Variants in LRRC9 observed in about 807,000 individuals in gnomAD.
LRRC9 encodes leucine-rich repeat-containing protein 9.
A neutral mutation model predicts 63.2 loss-of-function variants in LRRC9; 122 were observed. The observed-to-expected ratio is 1.93, with a 90% CI of 1.67 to 2.24. LRRC9 has a LOEUF of 2.24. Among genes scored for constraint, LRRC9 ranks in the 30% most tolerant of loss-of-function variants. The pLI, the probability that LRRC9 is intolerant of heterozygous loss-of-function variation, is 0.00. For missense variants in LRRC9, 1,071 were observed against 627.7 expected (o/e 1.71, Z -7.55); for synonymous variants, 366 against 213.1 (o/e 1.72, Z -6.25).
intron 7 of LRRC9, among the ~76,000 whole-genome samples, chr14:59,941,262 G>T (rs1375074668): frequency 6.6e-6 from 1 of 151,930 alleles, no homozygotes; most frequent in African/African-American, 2.4e-5. Flanking sequence ...TTTTGTGGAA[G>T]ATGGGGCAAC....
intron 16 of LRRC9, among the ~76,000 whole-genome samples, chr14:59,983,563 C>T (rs563852436): frequency 6.6e-6 from 1 of 152,130 alleles, no homozygotes; most frequent in Non-Finnish European, 1.5e-5. Flanking sequence ...TAGTTGTTTA[C>T]ATCTTCCAGA....
rs1391215009 is a variant in LRRC9 at position 60,022,886 on chromosome 14, G to A, written c.3703+16G>A. 2 of 612,262 alleles carry A rather than the reference G, an allele frequency of 3.3e-6. No homozygotes were observed. The highest frequency in any genetic ancestry group is 5.9e-6 in the Non-Finnish European group (2 of 339,670). 37.9% of individuals were successfully genotyped at this position (612,262 alleles called of 1,614,324 possible). A position where few individuals can be genotyped will look rare whatever the true frequency, so the allele number is the denominator to read the frequency against. ...TTTCTACAGGGTGAGTAGAAACACT[G>A]TTACTGTATAAGTCTTTATTTTTAA... On this transcript the variant is annotated intron_variant, in intron 27 of 31. Transcript: ENST00000445360.
intron 23 of LRRC9, among the ~76,000 whole-genome samples, chr14:60,009,988 A>T (rs1890130242): frequency 6.6e-6 from 1 of 152,172 alleles, no homozygotes; most frequent in African/African-American, 2.4e-5. Flanking sequence ...GCTTTGCTGG[A>T]TACAGCCTCC....
At position 59,960,962 on chromosome 14, in the gene LRRC9, T is replaced by C. The variant is rs1160950758; in HGVS notation, c.1128T>C (p.His376=). 4.2e-5 allele frequency: 29 copies of C among 694,964 alleles called. No individual in the cohort carries two copies. The East Asian group carries it at 7.3e-4, about 17-fold the overall frequency. The allele number at this position is 694,964 out of a possible 1,614,324, so 43.0% of individuals were successfully genotyped here. ...AAGTAAAACAAAAGAAGAAAAGTCATGGCTTATTGATCCCACTTTTGTTAA... is the reference window on the plus strand; with the variant it reads ...AAGTAAAACAAAAGAAGAAAAGTCACGGCTTATTGATCCCACTTTTGTTAA... Residue 376 remains histidine (H), a synonymous_variant, in exon 10 of 32, where the codon CAT becomes CAC. Coordinates refer to ENST00000445360, the Ensembl canonical transcript of LRRC9.
rs1226144865 is a variant in LRRC9 at position 59,936,991 on chromosome 14, T to A, written c.544-1399T>A. Among the ~76,000 whole-genome samples, 1 of 152,094 alleles carries A rather than the reference T, an allele frequency of 6.6e-6. No individual in the cohort carries two copies. Among genetic ancestry groups the A allele is most frequent in the Non-Finnish European group, 1.5e-5 (1 of 67,988 alleles). On this transcript the variant is annotated intron_variant, in intron 6 of 31. Coordinates refer to ENST00000445360, the Ensembl canonical transcript of LRRC9. This position sits in a 1 kb window ranked among gnomAD's most constrained non-coding sequence, Gnocchi z 4.2. Reference sequence around the variant, plus strand: ...CCTTTCAAGTTTGACCCCACCACAGTACCCTCCTACCTCAGGCACCATCCT... The same window carrying A: ...CCTTTCAAGTTTGACCCCACCACAGAACCCTCCTACCTCAGGCACCATCCT...
At chr14:59,934,677 CAT>C (rs1052824974) in intron 6 of LRRC9, among the ~76,000 whole-genome samples, 41 of 152,264 alleles carry the variant, frequency 2.7e-4, no homozygotes, top group East Asian at 1.2e-3. Context: ...CACGTGCACA[CAT>C]GTGTATCTTT....
In LRRC9 at chr14:59,986,523, T is replaced by G. The variant is rs75027601; in HGVS notation, c.2211+1299T>G. Among the ~76,000 whole-genome samples the G allele has an allele frequency of 3.5e-3, 529 of 152,362 alleles. 23 individuals are homozygous for G. In the East Asian group the frequency reaches 0.088, roughly 25 times the overall value. Reference sequence around the variant, plus strand: ...TAAGTAGAATCCCTGAGAGTCTGGATTCAGTATGCAACTGAGGGAAAAAGG... The same window carrying G: ...TAAGTAGAATCCCTGAGAGTCTGGAGTCAGTATGCAACTGAGGGAAAAAGG... On this transcript the variant is annotated intron_variant, in intron 17 of 31. Transcript: ENST00000445360. The surrounding 1 kb of genome is among the most constrained non-coding windows in gnomAD (Gnocchi z 4.7).
intron 8 of LRRC9, among the ~76,000 whole-genome samples, chr14:59,952,275 G>A (rs1299862582): frequency 4.6e-5 from 7 of 152,156 alleles, no homozygotes; most frequent in East Asian, 1.9e-4. Flanking sequence ...AGGTGCGTCC[G>A]TCACGCCTTT....
At position 60,019,235 on chromosome 14, in the gene LRRC9, C is replaced by T. The variant is rs1403632920; in HGVS notation, c.3541C>T (p.Gln1181Ter). ...GAAAGTGCCTTCAAGTGGCTATGGA[C>T]AGCAAGGAATTTCAAAAACAAACAG... Residue 1181 changes from glutamine to a stop codon, truncating the protein, a stop_gained, in exon 26 of 32, where the codon CAG (glutamine) becomes TAG (stop). Transcript: ENST00000445360. LOFTEE classifies it high-confidence loss of function. 1 of 695,270 alleles carries T rather than the reference C, an allele frequency of 1.4e-6. No homozygotes were observed. The highest frequency in any genetic ancestry group is 1.5e-5 in the South Asian group (1 of 65,966). 43.1% of individuals were successfully genotyped at this position (695,270 alleles called of 1,614,324 possible). A position where few individuals can be genotyped will look rare whatever the true frequency, so the allele number is the denominator to read the frequency against.
rs1894071164 is a variant in LRRC9 at position 60,053,771 on chromosome 14, A to T, written c.4131+566A>T. 5.4e-6 allele frequency: 2 copies of T among 369,100 alleles called. No individual in the cohort carries two copies. The highest frequency in any genetic ancestry group is 7.6e-5 in the Admixed American group (2 of 26,352). 22.9% of individuals were successfully genotyped at this position (369,100 alleles called of 1,614,324 possible). A position where few individuals can be genotyped will look rare whatever the true frequency, so the allele number is the denominator to read the frequency against. Reference sequence around the variant, plus strand: ...AAAGAGATTAAAAAGGGAAGAAATAATAAAAGCATGTCATTTGAAAATTCT... The same window carrying T: ...AAAGAGATTAAAAAGGGAAGAAATATTAAAAGCATGTCATTTGAAAATTCT... On this transcript the variant is annotated intron_variant, in intron 30 of 31. Coordinates refer to ENST00000445360, the Ensembl canonical transcript of LRRC9. The surrounding 1 kb of genome is among the most constrained non-coding windows in gnomAD (Gnocchi z 4.8).
intron 27 of LRRC9, 34 bp downstream of exon 27, chr14:60,022,904 A>AT: frequency 2.0e-6 from 1 of 504,110 alleles, no homozygotes; most frequent in Non-Finnish European, 3.6e-6. Flanking sequence ...ATAAGTCTTT[A>AT]TTTTTAAAAA....
chr14:60,010,834 C>A (rs762471743), intron 23 of LRRC9, among the ~76,000 whole-genome samples: 2 of 152,178 alleles, frequency 1.3e-5, no homozygotes, highest in South Asian at 2.1e-4. Flanking sequence ...CAGTTCCCAA[C>A]AAGTTCCTTG....
intron 13 of LRRC9, among the ~76,000 whole-genome samples, chr14:59,976,843 T>C (rs1886336913): frequency 1.3e-5 from 2 of 152,244 alleles, no homozygotes; most frequent in African/African-American, 4.8e-5. Context: ...TAGACATATA[T>C]TGAGTGCCTC....
At chr14:59,963,662 A>C (rs1884564099) in intron 10 of LRRC9, among the ~76,000 whole-genome samples, 1 of 152,182 alleles carries the variant, frequency 6.6e-6, no homozygotes, top group Non-Finnish European at 1.5e-5. Flanking sequence ...TACTAGTTGA[A>C]GCTTCCATAT....
chr14:59,932,495 T>C lies in LRRC9; in HGVS notation c.543+456T>C, dbSNP rs555714474. 2.7e-4 allele frequency among the ~76,000 whole-genome samples: 41 copies of C among 152,254 alleles called. No homozygotes were observed. Among genetic ancestry groups the C allele is most frequent in the Non-Finnish European group, 5.0e-4 (34 of 67,982 alleles). On this transcript the variant is annotated intron_variant, in intron 6 of 31. Transcript: ENST00000445360. The surrounding 1 kb of genome is among the most constrained non-coding windows in gnomAD (Gnocchi z 4.7). ...ACAACTCTCCAGAACTGTACACATA[T>C]CTTAATGCAAACTAATTTTTCCTCT...
intron 26 of LRRC9, among the ~76,000 whole-genome samples, chr14:60,020,315 CTATTA>C (rs759355475): frequency 1.7e-4 from 26 of 151,724 alleles, no homozygotes; most frequent in African/African-American, 5.8e-4. Context: ...GAATAGTATT[CTATTA>C]TATGTATTAT....
At chr14:60,062,657 C>T (rs1894726488) in intron 31 of LRRC9, among the ~76,000 whole-genome samples, 1 of 152,202 alleles carries the variant, frequency 6.6e-6, no homozygotes, top group African/African-American at 2.4e-5. Context: ...CTGAATCTAG[C>T]CCTAGAGCCT....
chr14:60,046,773 T>A (rs1893464772), intron 29 of LRRC9, among the ~76,000 whole-genome samples: 1 of 152,088 alleles, frequency 6.6e-6, no homozygotes, highest in African/African-American at 2.4e-5. Flanking sequence ...TTAAAAATAG[T>A]TTCCATTCTA....
intron 22 of LRRC9, among the ~76,000 whole-genome samples, chr14:60,007,565 A>G (rs571933901): frequency 6.6e-6 from 1 of 152,308 alleles, no homozygotes; most frequent in Admixed American, 6.5e-5. Flanking sequence ...TTCCTGTTAT[A>G]TCTATATAGA....
Sources: gnomAD v4.1 joint callset for allele counts (sites outside exome capture counted in the v4.1 genomes callset) on GRCh38, gnomAD v4.1.1 for gene constraint, Gnocchi (gnomAD v3.1) non-coding constraint, MANE v1.5 for transcripts, NCBI Gene and HGNC (gene_info 2026-07-23, HGNC 2026-07-21) for gene names.